Variants in ZBED4 observed in about 807,000 individuals in gnomAD.
ZBED4 encodes the protein zinc finger BED-type containing 4, also known as zinc finger BED domain-containing protein 4.
In ZBED4, 4 loss-of-function variants were observed where a neutral mutation model predicts 15.5. The observed-to-expected ratio is 0.26, with a 90% CI of 0.13 to 0.59. The LOEUF (loss-of-function observed/expected upper bound fraction) is 0.59, where lower values mean the gene tolerates loss of function less well. ZBED4 is among the 20% of genes least tolerant of loss of function. The pLI, the probability that ZBED4 is intolerant of heterozygous loss-of-function variation, is 0.90. For missense variants in ZBED4, 1,323 were observed against 1,461.8 expected, an observed-to-expected ratio of 0.91 and a Z score of 1.55; for synonymous variants, 692 against 608.5, an observed-to-expected ratio of 1.14 and a Z score of -2.02.
intron 1 of ZBED4, among the ~76,000 whole-genome samples, chr22:49,870,825 T>C (rs966907609): frequency 6.6e-6 from 1 of 152,202 alleles, no homozygotes; most frequent in Non-Finnish European, 1.5e-5. Context: ...AGAGGCTCTT[T>C]AGTTAGGTCC....
intron 1 of ZBED4, among the ~76,000 whole-genome samples, chr22:49,861,187 T>G (rs2060295714): frequency 6.6e-6 from 1 of 152,174 alleles, no homozygotes; most frequent in South Asian, 2.1e-4. Flanking sequence ...TGACACTGTG[T>G]GTGTCTGGTT....
intron 1 of ZBED4, among the ~76,000 whole-genome samples, chr22:49,871,534 C>T (rs1200037650): frequency 6.6e-6 from 1 of 151,912 alleles, no homozygotes. Flanking sequence ...GGTAAGCGTG[C>T]AATAGCATGA....
intron 1 of ZBED4, among the ~76,000 whole-genome samples, chr22:49,871,979 C>T (rs368620848): frequency 3.9e-5 from 6 of 152,034 alleles, no homozygotes; most frequent in African/African-American, 1.2e-4. Context: ...CTCTTCACCT[C>T]GTGATCCGCC....
At chr22:49,881,975 CAT>C (rs1453391957) in intron 1 of ZBED4, among the ~76,000 whole-genome samples, 1 of 152,262 alleles carries the variant, frequency 6.6e-6, no homozygotes, top group Non-Finnish European at 1.5e-5. Flanking sequence ...GGCAACCATA[CAT>C]CTTGCTTTGC....
At chr22:49,856,528 T>C (rs1284253786) in intron 1 of ZBED4, among the ~76,000 whole-genome samples, 1 of 152,204 alleles carries the variant, frequency 6.6e-6, no homozygotes, top group African/African-American at 2.4e-5. Flanking sequence ...TCCCAGTGCG[T>C]ACCTCCTGCC....
chr22:49,871,121 A>G (rs2060345234), intron 1 of ZBED4, among the ~76,000 whole-genome samples: 1 of 30,374 alleles, frequency 3.3e-5, no homozygotes, highest in African/African-American at 1.6e-4. Context: ...ATTTTTTTTT[A>G]GTAGAGATGG....
chr22:49,861,034 C>T (rs937995036), intron 1 of ZBED4, among the ~76,000 whole-genome samples: 12 of 151,946 alleles, frequency 7.9e-5, no homozygotes, highest in South Asian at 2.1e-4. Context: ...CCTCGGCCTC[C>T]CAAAGTGCTG....
chr22:49,880,667 G>GT (rs1204632191), intron 1 of ZBED4, among the ~76,000 whole-genome samples: 1 of 152,246 alleles, frequency 6.6e-6, no homozygotes, highest in Non-Finnish European at 1.5e-5. Flanking sequence ...GGAAGTGACT[G>GT]TGAGTCCAGC....
chr22:49,873,347 G>A (rs1187822027), intron 1 of ZBED4, among the ~76,000 whole-genome samples: 1 of 152,232 alleles, frequency 6.6e-6, no homozygotes, highest in Non-Finnish European at 1.5e-5. Flanking sequence ...GAGGGAGGCT[G>A]GAGGAGAGGG....
chr22:49,868,491 AT>A (rs1415583555), intron 1 of ZBED4, among the ~76,000 whole-genome samples: 1 of 152,066 alleles, frequency 6.6e-6, no homozygotes, highest in Non-Finnish European at 1.5e-5. Flanking sequence ...AGGTGGGAGG[AT>A]TACTTGAGCT....
chr22:49,870,237 G>T (rs571303768), intron 1 of ZBED4, among the ~76,000 whole-genome samples: 1 of 152,276 alleles, frequency 6.6e-6, no homozygotes, highest in East Asian at 1.9e-4. Flanking sequence ...TGCTAGGCAC[G>T]TAGGTTGATT....
Position 49,884,209 on chromosome 22 carries a change from C to G in ZBED4, c.547C>G (p.Pro183Ala). ...CAGTGTGTCTGCCGTGTCCTCGTTC[C>G]CCTCTCCCTCACTCCTGCTTCCACC... ...NGSVSAVSSF[P>A]SPSLLLPPQP... Residue 183 changes from proline to alanine, a missense_variant, in exon 2 of 2, where the codon CCC becomes GCC. Transcript: ENST00000216268. The G allele has an allele frequency of 6.2e-7, 1 of 1,604,918 alleles. No homozygotes were observed.
chr22:49,875,902 C>G (rs796802472), intron 1 of ZBED4, among the ~76,000 whole-genome samples: 7 of 151,452 alleles, frequency 4.6e-5, no homozygotes, highest in African/African-American at 1.2e-4. Context: ...AATTTTATTG[C>G]TCTTTCCCAA....
At chr22:49,867,739 T>G (rs566074205) in intron 1 of ZBED4, among the ~76,000 whole-genome samples, 3 of 152,332 alleles carry the variant, frequency 2.0e-5, no homozygotes, top group African/African-American at 7.2e-5. Flanking sequence ...CTAGGCCTTG[T>G]AATACTGACT....
At position 49,862,187 on chromosome 22, in the gene ZBED4, C is replaced by T. The variant is rs759407487; in HGVS notation, c.-330+8198C>T. Among the ~76,000 whole-genome samples, 3 of 152,318 alleles carry T rather than the reference C, an allele frequency of 2.0e-5. No homozygotes were observed. In the South Asian group the frequency reaches 6.2e-4, roughly 32 times the overall value. On this transcript the variant is annotated intron_variant, in intron 1 of 1. Coordinates refer to ENST00000216268, the MANE Select transcript of ZBED4 (RefSeq NM_014838.3). Reference sequence around the variant, plus strand: ...AAGTGGCTCATTTTGTTAGTAAGTCCCCGAGGGCGGTTGGCCCTGTGCGTG... The same window carrying T: ...AAGTGGCTCATTTTGTTAGTAAGTCTCCGAGGGCGGTTGGCCCTGTGCGTG...
intron 1 of ZBED4, among the ~76,000 whole-genome samples, chr22:49,872,373 A>G (rs574259622): frequency 1.3e-5 from 2 of 152,266 alleles, no homozygotes; most frequent in South Asian, 4.2e-4. Flanking sequence ...GGTTCTGTGT[A>G]TAATTCTAGT....
intron 1 of ZBED4, among the ~76,000 whole-genome samples, chr22:49,875,113 G>T (rs1376352912): frequency 6.6e-6 from 1 of 152,088 alleles, no homozygotes; most frequent in Non-Finnish European, 1.5e-5. Context: ...TGCTCATAGG[G>T]TATCAAGTTG....
Position 49,889,367 on chromosome 22 carries a change from C to T in ZBED4, c.*2189C>T, listed in dbSNP as rs1294321960. On this transcript the variant is annotated 3_prime_UTR_variant, in exon 2 of 2. Transcript: ENST00000216268. ...ATAGTTGTGACAGAGACCACAGGCCCACTGAAAGGGACAAACAGGGCTGAA... is the reference window on the plus strand; with the variant it reads ...ATAGTTGTGACAGAGACCACAGGCCTACTGAAAGGGACAAACAGGGCTGAA... 4 of 167,070 alleles carry T rather than the reference C, an allele frequency of 2.4e-5. No homozygotes were observed. Among genetic ancestry groups the T allele is most frequent in the Admixed American group, 1.3e-4 (2 of 15,280 alleles). 10.3% of individuals were successfully genotyped at this position (167,070 alleles called of 1,614,324 possible).
chr22:49,885,475 C>T lies in ZBED4; in HGVS notation c.1813C>T (p.Gln605Ter). 6.2e-7 allele frequency: 1 copy of T among 1,612,718 alleles called. No individual in the cohort carries two copies. The highest frequency in any genetic ancestry group is 1.1e-5 in the South Asian group (1 of 91,074). ...TACCAGCTGTCTTCTGAGACATTTA[C>T]AGCGGTTCCATAGCAACGTGCTGAA... ...LGTSCLLRHL[Q>*]RFHSNVLKTE... The change falls in exon 2 of 2, where the codon CAG becomes TAG. Residue 605 changes from glutamine (Q) to a stop codon, truncating the protein, a stop_gained. Transcript: ENST00000216268. LOFTEE classifies it high-confidence loss of function.
Sources: gnomAD v4.1 joint callset for allele counts (sites outside exome capture counted in the v4.1 genomes callset) on GRCh38, gnomAD v4.1.1 for gene constraint, MANE v1.5 for transcripts, NCBI Gene and HGNC (gene_info 2026-07-23, HGNC 2026-07-21) for gene names.